Variants in BRAF observed in about 807,000 individuals in gnomAD.
BRAF encodes serine/threonine-protein kinase B-raf.
Under a neutral mutation model 104.6 loss-of-function variants are expected in BRAF, and 16 were observed. The observed-to-expected ratio is 0.15, with a 90% CI of 0.10 to 0.23. The LOEUF is 0.23. Ranked by LOEUF, BRAF falls within the 10% of genes least tolerant of loss-of-function variation. The probability of loss-of-function intolerance (pLI) is 1.00; values close to 1 mark genes in which losing one functional copy is unlikely to be tolerated. For missense variants in BRAF, 541 were observed against 937.3 expected, an observed-to-expected ratio of 0.58 and a Z score of 5.52; for synonymous variants, 310 against 341.6, an observed-to-expected ratio of 0.91 and a Z score of 1.02.
chr7:140,840,245 A>C (rs1328641782), intron 2 of BRAF, among the ~76,000 whole-genome samples: 1 of 152,204 alleles, frequency 6.6e-6, no homozygotes, highest in Non-Finnish European at 1.5e-5. Context: ...CTTAGGAAAA[A>C]AACACAGGAG....
At chr7:140,893,846 G>A (rs1814559593) in intron 1 of BRAF, among the ~76,000 whole-genome samples, 1 of 152,190 alleles carries the variant, frequency 6.6e-6, no homozygotes, top group African/African-American at 2.4e-5. Flanking sequence ...AAACAAAATT[G>A]AAGAACAGAT....
chr7:140,764,618 A>C (rs1298699170), intron 14 of BRAF, among the ~76,000 whole-genome samples: 3 of 152,198 alleles, frequency 2.0e-5, no homozygotes, highest in African/African-American at 7.2e-5. Flanking sequence ...TACAAAATCA[A>C]TGTACAAAAA....
chr7:140,834,504 T>C (rs1807105791), intron 3 of BRAF, 105 bp downstream of exon 3: 3 of 1,482,004 alleles, frequency 2.0e-6, no homozygotes, highest in African/African-American at 1.4e-5. Flanking sequence ...ATGCCTCTAT[T>C]TGCATGACCT....
chr7:140,836,528 T>C (rs1010820398), intron 2 of BRAF, among the ~76,000 whole-genome samples: 2 of 151,992 alleles, frequency 1.3e-5, no homozygotes, highest in African/African-American at 4.8e-5. Flanking sequence ...GAGGAAGAGA[T>C]TTAAACTTCA....
chr7:140,837,364 G>A (rs1367130378), intron 2 of BRAF, among the ~76,000 whole-genome samples: 1 of 152,096 alleles, frequency 6.6e-6, no homozygotes, highest in African/African-American at 2.4e-5. Flanking sequence ...CTTCTTAAAT[G>A]TCTATCTCAT....
At chr7:140,817,349 G>C (rs985375915) in intron 3 of BRAF, among the ~76,000 whole-genome samples, 3 of 152,174 alleles carry the variant, frequency 2.0e-5, no homozygotes, top group African/African-American at 7.2e-5. Flanking sequence ...TGGACTGGAA[G>C]AATCAATATT....
intron 1 of BRAF, among the ~76,000 whole-genome samples, chr7:140,917,232 T>C (rs1235894087): frequency 6.6e-6 from 1 of 152,160 alleles, no homozygotes; most frequent in African/African-American, 2.4e-5. Context: ...GGCTAATTTT[T>C]GTATTTTTAG....
chr7:140,874,459 C>G (rs1180177638), intron 1 of BRAF, among the ~76,000 whole-genome samples: 1 of 147,332 alleles, frequency 6.8e-6, no homozygotes, highest in African/African-American at 2.5e-5. Flanking sequence ...CTTGGCCTCC[C>G]AAAGTGCTGG....
intron 17 of BRAF, among the ~76,000 whole-genome samples, chr7:140,742,354 G>A (rs1796997911): frequency 6.6e-6 from 1 of 151,958 alleles, no homozygotes; most frequent in Non-Finnish European, 1.5e-5. Context: ...ACCATGCCTG[G>A]CTAATGTTTC....
chr7:140,725,743 T>C lies in BRAF; in HGVS notation c.*751A>G, dbSNP rs1585897163. The C allele has an allele frequency of 9.5e-7, 1 of 1,057,684 alleles. No individual in the cohort carries two copies. Among genetic ancestry groups the C allele is most frequent in the African/African-American group, 1.7e-5 (1 of 60,274 alleles). 65.5% of individuals were successfully genotyped at this position (1,057,684 alleles called of 1,614,324 possible). ...CACTTATCTTCATTGCTGGACCCAA[T>C]GAGAAAGAAGGCAATGTGTGCCAGC... On this transcript the variant is annotated 3_prime_UTR_variant, in exon 20 of 20. Transcript: ENST00000644969.
intron 1 of BRAF, among the ~76,000 whole-genome samples, chr7:140,877,693 C>G (rs913173684): frequency 2.0e-5 from 3 of 151,982 alleles, no homozygotes; most frequent in Non-Finnish European, 4.4e-5. Flanking sequence ...TACACACAGA[C>G]ATTTAAAGGT....
At position 140,719,731 on chromosome 7, in the gene BRAF, A is replaced by C; in HGVS notation, c.*6763T>G. 1.9e-6 allele frequency: 2 copies of C among 1,062,148 alleles called. No homozygotes were observed. Among genetic ancestry groups the C allele is most frequent in the Non-Finnish European group, 1.1e-6 (1 of 877,260 alleles). The allele number at this position is 1,062,148 out of a possible 1,614,324, so 65.8% of individuals were successfully genotyped here. A position where few individuals can be genotyped will look rare whatever the true frequency, so the allele number is the denominator to read the frequency against. The stretch of plus-strand genomic sequence containing the variant: ...TTTTATGAATTGAAAAATAAGCTTT[A>C]AAAATAGTTACTCCATTGTAATTTT... On this transcript the variant is annotated 3_prime_UTR_variant, in exon 20 of 20. Transcript: ENST00000644969.
At chr7:140,754,108 T>G (rs909262796) in intron 15 of BRAF, 79 bp downstream of exon 14, 1 of 1,427,820 alleles carries the variant, frequency 7.0e-7, no homozygotes, top group Non-Finnish European at 9.9e-7. Flanking sequence ...AAAACTGTTT[T>G]TACATAATGT....
At chr7:140,827,597 C>CT (rs1806204563) in intron 3 of BRAF, among the ~76,000 whole-genome samples, 1 of 152,172 alleles carries the variant, frequency 6.6e-6, no homozygotes, top group Non-Finnish European at 1.5e-5. Flanking sequence ...AAAGGGTCAG[C>CT]TTTATGTGAG....
chr7:140,810,384 C>T (rs1804121378), intron 3 of BRAF, among the ~76,000 whole-genome samples: 1 of 152,166 alleles, frequency 6.6e-6, no homozygotes, highest in Non-Finnish European at 1.5e-5. Flanking sequence ...GCTTAGCCAA[C>T]ATGGTGAAAC....
At chr7:140,880,074 G>A (rs1057132706) in intron 1 of BRAF, among the ~76,000 whole-genome samples, 3 of 152,042 alleles carry the variant, frequency 2.0e-5, no homozygotes, top group South Asian at 4.1e-4. Context: ...CTGCTGTGCC[G>A]ACTGACTTTT....
chr7:140,849,339 T>C (rs928520329), intron 2 of BRAF, among the ~76,000 whole-genome samples: 3 of 152,176 alleles, frequency 2.0e-5, no homozygotes, highest in African/African-American at 7.2e-5. Flanking sequence ...CTCAAGGCAT[T>C]ATTAAACAGT....
intron 3 of BRAF, among the ~76,000 whole-genome samples, chr7:140,825,512 T>C (rs1373027955): frequency 6.6e-6 from 1 of 152,240 alleles, no homozygotes; most frequent in Non-Finnish European, 1.5e-5. Context: ...AAATTTTCTG[T>C]AGTGTTTTCT....
intron 17 of BRAF, chr7:140,748,955 A>T (rs1484592774): frequency 1.1e-5 from 3 of 265,258 alleles, no homozygotes; most frequent in Admixed American, 4.9e-5. Flanking sequence ...ACAATCTGTG[A>T]TACAGTGAAA....
Sources: allele counts gnomAD v4.1 joint callset (sites outside exome capture counted in the v4.1 genomes callset), GRCh38; gene constraint gnomAD v4.1.1; transcripts MANE v1.5; gene names NCBI Gene and HGNC (gene_info 2026-07-23, HGNC 2026-07-21).